Variants in SMARCA2 observed in about 807,000 individuals in gnomAD.
SMARCA2 encodes the protein SWI/SNF related BAF chromatin remodeling complex subunit ATPase 2.
In SMARCA2, 61 loss-of-function variants were observed where a neutral mutation model predicts 199.8. That is an observed-to-expected ratio of 0.31 (90% CI 0.25 to 0.38). The LOEUF (loss-of-function observed/expected upper bound fraction) is 0.38, where lower values mean the gene tolerates loss of function less well. SMARCA2 is among the 10% of genes least tolerant of loss of function. SMARCA2 has a pLI of 1.00. For synonymous variants in SMARCA2, 935 were observed against 732.0 expected, an observed-to-expected ratio of 1.28 and a Z score of -4.48; for missense variants, 1,344 against 2,012.2, an observed-to-expected ratio of 0.67 and a Z score of 6.35.
intron 3 of SMARCA2, among the ~76,000 whole-genome samples, chr9:2,037,015 A>G (rs1321013387): frequency 3.3e-5 from 5 of 152,208 alleles, no homozygotes; most frequent in Admixed American, 6.5e-5. Context: ...CAGGAAACAT[A>G]TGACTAATTT....
chr9:2,187,277 A>C (rs942037921), intron 32 of SMARCA2, among the ~76,000 whole-genome samples: 2 of 152,076 alleles, frequency 1.3e-5, no homozygotes, highest in Non-Finnish European at 2.9e-5. Context: ...TGCCCCCTTA[A>C]ATTTTACACC....
chr9:2,055,449 C>T (rs1405793070), intron 6 of SMARCA2: 4 of 152,320 alleles, frequency 2.6e-5, no homozygotes, highest in Admixed American at 2.0e-4. Flanking sequence ...CAGATTGCCT[C>T]ACTAACCCAA....
intron 27 of SMARCA2, chr9:2,159,795 T>C (rs879130896): frequency 6.2e-7 from 1 of 1,604,494 alleles, no homozygotes; most frequent in South Asian, 1.1e-5. Context: ...TCCCCAGCTC[T>C]CTTTTTTTTC....
intron 27 of SMARCA2, among the ~76,000 whole-genome samples, chr9:2,152,628 G>A (rs540305346): frequency 1.3e-5 from 2 of 151,976 alleles, no homozygotes; most frequent in African/African-American, 4.8e-5. Flanking sequence ...GAGGTGGGCG[G>A]ATCACCTGAG....
chr9:2,073,276 A>C lies in SMARCA2; in HGVS notation c.1811A>C (p.Lys604Thr). 1 of 1,614,152 alleles carries C rather than the reference A, an allele frequency of 6.2e-7. No homozygotes were observed. Among genetic ancestry groups the C allele is most frequent in the Non-Finnish European group, 8.5e-7 (1 of 1,180,004 alleles). Residue 604 changes from lysine to threonine, a missense_variant, in exon 11 of 34, where the codon AAG becomes ACG. Lys to Thr is a moderately conservative substitution (Grantham distance 78). Coordinates refer to ENST00000349721, the MANE Select transcript of SMARCA2 (RefSeq NM_003070.5). ...AAAGTGACTCACACAGAAACCGGCA[A>C]GGTTCTGTTCGGACCAGAAGCACCC... ...PVKVTHTETGKVLFGPEAPKA... is the reference protein window; with the variant it reads ...PVKVTHTETGTVLFGPEAPKA...
chr9:2,147,583 C>T (rs570087901), intron 27 of SMARCA2, among the ~76,000 whole-genome samples: 116 of 152,222 alleles, frequency 7.6e-4, no homozygotes, highest in African/African-American at 2.5e-3. Flanking sequence ...TGGTGGCTCA[C>T]GCCTGTAATC....
At chr9:2,155,720 CTTTTTTTTTTTTTTTTTT>C (rs59156319) in intron 27 of SMARCA2, among the ~76,000 whole-genome samples, 58 of 53,188 alleles carry the variant, frequency 1.1e-3, no homozygotes, top group East Asian at 6.8e-3. Flanking sequence ...AAGAGAAAAC[CTTTTTTTTTTTTTTTTTT>C]TTTTTTTTTT....
rs1827031230 is a variant in SMARCA2 at position 2,181,634 on chromosome 9, C to T, written c.4317C>T (p.Tyr1439=). ...CTTCAAGGAAAGAATTACCAGAATA[C>T]TATGAATTAATTAGGAAGCCAGTGG... The part of the protein sequence containing the change: ...QLPSRKELPE[Y]YELIRKPVDF... Residue 1439 remains tyrosine, a synonymous_variant, in exon 30 of 34, where the codon TAC becomes TAT. Transcript: ENST00000349721. 6.3e-7 allele frequency: 1 copy of T among 1,591,864 alleles called. No individual in the cohort carries two copies. The highest frequency in any genetic ancestry group is 8.6e-7 in the Non-Finnish European group (1 of 1,159,900).
At chr9:2,101,516 T>G in intron 21 of SMARCA2, 54 bp from the exon 22 acceptor site, 1 of 930,998 alleles carries the variant, frequency 1.1e-6, no homozygotes, top group Non-Finnish European at 1.6e-6. Context: ...GAGTAATCAT[T>G]AAGTTAATAA....
Position 2,073,361 on chromosome 9 carries a change from G to A in SMARCA2, c.1877+19G>A, listed in dbSNP as rs569297862. The A allele has an allele frequency of 3.2e-4, 516 of 1,612,804 alleles. 3 individuals are homozygous for A. Among genetic ancestry groups the A allele is most frequent in the Non-Finnish European group, 2.0e-4 (239 of 1,179,648 alleles). On this transcript the variant is annotated intron_variant, in intron 11 of 33. Coordinates refer to ENST00000349721, the MANE Select transcript of SMARCA2 (RefSeq NM_003070.5). The stretch of plus-strand genomic sequence containing the variant: ...ATCCTGGGTAAGGCATGAAAGCAGC[G>A]TTCATGGTGTTCTTTTAGCTTTTTA...
At chr9:2,188,132 CTTA>C (rs1178183868) in intron 32 of SMARCA2, among the ~76,000 whole-genome samples, 2 of 151,946 alleles carry the variant, frequency 1.3e-5, no homozygotes, top group South Asian at 2.1e-4. Context: ...GATTTTTGTA[CTTA>C]TTATGAACAC....
At chr9:2,020,361 C>A (rs766537344) in intron 1 of SMARCA2, among the ~76,000 whole-genome samples, 2 of 152,012 alleles carry the variant, frequency 1.3e-5, no homozygotes, top group Non-Finnish European at 2.9e-5. Context: ...GGGACTCTAA[C>A]CTTTAGCCGG....
At chr9:2,149,068 TCA>T (rs1213202187) in intron 27 of SMARCA2, among the ~76,000 whole-genome samples, 1 of 151,090 alleles carries the variant, frequency 6.6e-6, no homozygotes, top group African/African-American at 2.4e-5. Flanking sequence ...TAGTCTGTTT[TCA>T]CACTGCTGAT....
In SMARCA2 at chr9:2,169,503, C is replaced by A. The variant is rs913493900; in HGVS notation, c.4200-916C>A. Among the ~76,000 whole-genome samples the A allele has an allele frequency of 1.3e-5, 2 of 152,152 alleles. No individual in the cohort carries two copies. Among genetic ancestry groups the A allele is most frequent in the Non-Finnish European group, 2.9e-5 (2 of 68,040 alleles). ...CTGTGTATTTTGAAGCGAGCACATG[C>A]GCTTCCACCCCTCTGTTGATTTGTT... On this transcript the variant is annotated intron_variant, in intron 28 of 33. Transcript: ENST00000349721. This position sits in a 1 kb window ranked among gnomAD's most constrained non-coding sequence, Gnocchi z 6.5.
At chr9:2,160,113 A>T in intron 27 of SMARCA2, 2 of 627,372 alleles carry the variant, frequency 3.2e-6, no homozygotes, top group Non-Finnish European at 5.2e-6. Flanking sequence ...TATGCGGGAC[A>T]ATTTCCTTTT....
intron 29 of SMARCA2, among the ~76,000 whole-genome samples, chr9:2,175,860 T>C (rs1346502593): frequency 1.3e-5 from 2 of 151,480 alleles, no homozygotes; most frequent in Admixed American, 6.6e-5. Context: ...ATATCCTCTG[T>C]TTTTTTGGGT....
intron 22 of SMARCA2, 129 bp downstream of exon 22, chr9:2,101,745 G>A: frequency 2.0e-6 from 1 of 492,436 alleles, no homozygotes; most frequent in Non-Finnish European, 3.7e-6. Context: ...CAGTGGAGAA[G>A]TTAACCAAAA....
intron 27 of SMARCA2, among the ~76,000 whole-genome samples, chr9:2,131,609 G>A (rs748301850): frequency 6.6e-6 from 1 of 152,116 alleles, no homozygotes; most frequent in Non-Finnish European, 1.5e-5. Flanking sequence ...GTGCCTAAAT[G>A]GGGTTCCCAT....
intron 2 of SMARCA2, among the ~76,000 whole-genome samples, chr9:2,030,630 G>A (rs1367647524): frequency 6.8e-6 from 1 of 148,144 alleles, no homozygotes; most frequent in Non-Finnish European, 1.5e-5. Flanking sequence ...GATTTATTCA[G>A]TCTAACAATT....
Sources: allele counts gnomAD v4.1 joint callset (sites outside exome capture counted in the v4.1 genomes callset), GRCh38; gene constraint gnomAD v4.1.1; non-coding constraint Gnocchi (gnomAD v3.1); transcripts MANE v1.5; gene names NCBI Gene and HGNC (gene_info 2026-07-23, HGNC 2026-07-21).